Variants in PHF8 observed in about 807,000 individuals in gnomAD.
The protein encoded by PHF8 is histone lysine demethylase PHF8.
A neutral mutation model predicts 74.4 loss-of-function variants in PHF8; 9 were observed. The observed-to-expected ratio is 0.12, with a 90% CI of 0.07 to 0.21. The LOEUF (loss-of-function observed/expected upper bound fraction) is 0.21. Ranked by LOEUF, PHF8 falls within the 10% of genes least tolerant of loss-of-function variation. The probability of loss-of-function intolerance (pLI) is 1.00; values close to 1 mark genes in which losing one functional copy is unlikely to be tolerated. For synonymous variants in PHF8, 311 were observed against 316.6 expected (o/e 0.98, Z 0.19); for missense variants, 478 against 816.6 (o/e 0.59, Z 5.05).
intron 2 of PHF8, among the ~76,000 whole-genome samples, chrX:54,041,388 T>TAA (rs370388675): frequency 1.4e-4 from 6 of 43,497 alleles, no homozygotes; most frequent in East Asian, 1.2e-3. Context: ...TTGTCTCAAA[T>TAA]AAAAAAAAAA....
At chrX:54,001,712 T>C (rs2065830407) in intron 10 of PHF8, among the ~76,000 whole-genome samples, 1 of 111,256 alleles carries the variant, frequency 9.0e-6, no homozygotes, top group Non-Finnish European at 1.9e-5. Flanking sequence ...GCCAGGAGTT[T>C]GAGACCAATC....
rs1381845395 is a variant in PHF8 at position 53,997,054 on chromosome X, T to C, written c.1234-1272A>G. 3.6e-5 allele frequency among the ~76,000 whole-genome samples: 4 copies of C among 112,451 alleles called. No homozygotes were observed. The East Asian group carries it at 1.1e-3, about 31-fold the overall frequency. ...AGAGAAAATATTTGTAAAACATCTA[T>C]CTAATAAAAGAGTATCAAAAGGTAT... On this transcript the variant is annotated intron_variant, in intron 11 of 21. Coordinates refer to ENST00000338154, the MANE Select transcript of PHF8 (RefSeq NM_015107.3).
chrX:53,975,623 T>C (rs1306890818), intron 18 of PHF8, among the ~76,000 whole-genome samples: 1 of 112,155 alleles, frequency 8.9e-6, no homozygotes, highest in Non-Finnish European at 1.9e-5. Context: ...AAGCCAGGAA[T>C]ACGCAGACAA....
Position 54,044,406 on chromosome X carries a change from T to C in PHF8, c.-737A>G. 2 of 752,446 alleles carry C rather than the reference T, an allele frequency of 2.7e-6. No homozygotes were observed. Among genetic ancestry groups the C allele is most frequent in the South Asian group, 6.7e-5 (1 of 14,820 alleles). 62.0% of individuals were successfully genotyped at this position (752,446 alleles called of 1,213,427 possible). On this transcript the variant is annotated 5_prime_UTR_variant, in exon 1 of 22. The change abolishes an upstream ATG in the 5' untranslated region. Transcript: ENST00000338154. Reference sequence around the variant, plus strand: ...AGAAATACGGGATAAACAGCTACCATGTTGAGAGTGGCGGCGCTACCCAGA... The same window carrying C: ...AGAAATACGGGATAAACAGCTACCACGTTGAGAGTGGCGGCGCTACCCAGA...
intron 2 of PHF8, among the ~76,000 whole-genome samples, chrX:54,030,804 A>C (rs1569529589): frequency 8.9e-6 from 1 of 112,151 alleles, no homozygotes; most frequent in Non-Finnish European, 1.9e-5. Flanking sequence ...CTGGGTTTGA[A>C]TCTCACCTCT....
Position 53,999,856 on chromosome X carries a change from A to C in PHF8, c.1233+14T>G. On this transcript the variant is annotated intron_variant, in intron 11 of 21. Transcript: ENST00000338154. ...GCAAAACTCCAGAGGAGGTAGAGAA[A>C]TATGCATATTTACTTCTTTCCTTGT... 1 of 1,072,237 alleles carries C rather than the reference A, an allele frequency of 9.3e-7. No individual in the cohort carries two copies. Among genetic ancestry groups the C allele is most frequent in the Non-Finnish European group, 1.3e-6 (1 of 769,388 alleles). 88.4% of individuals were successfully genotyped at this position (1,072,237 alleles called of 1,213,427 possible). A position where few individuals can be genotyped will look rare whatever the true frequency, so the allele number is the denominator to read the frequency against.
chrX:53,949,747 G>A (rs1331698735), intron 19 of PHF8, among the ~76,000 whole-genome samples: 2 of 99,136 alleles, frequency 2.0e-5, no homozygotes, highest in African/African-American at 7.9e-5. Context: ...GGAAGGCGGA[G>A]CTTGCAGTGA....
chrX:54,036,671 G>T (rs1046532912), intron 2 of PHF8, among the ~76,000 whole-genome samples: 1 of 103,566 alleles, frequency 9.7e-6, no homozygotes, highest in Non-Finnish European at 1.9e-5. Context: ...TATTGGTGCT[G>T]AGAAGAAACT....
chrX:54,044,774 TCTC>T, upstream of PHF8: 1 of 658,767 alleles, frequency 1.5e-6, no homozygotes. Context: ...TCCCCAGCCT[TCTC>T]CTCCTATGAG....
At chrX:53,953,563 G>A (rs1189796156) in intron 19 of PHF8, among the ~76,000 whole-genome samples, 3 of 103,818 alleles carry the variant, frequency 2.9e-5, no homozygotes, top group Admixed American at 1.0e-4. Flanking sequence ...AGAATTGCTT[G>A]AACCCAGGAG....
chrX:53,958,801 A>AC (rs2065057328), intron 19 of PHF8, among the ~76,000 whole-genome samples: 1 of 105,214 alleles, frequency 9.5e-6, no homozygotes, highest in South Asian at 4.2e-4. Flanking sequence ...AAAAAAAAAA[A>AC]GCTGATAACA....
intron 19 of PHF8, among the ~76,000 whole-genome samples, chrX:53,954,588 T>G (rs1279053427): frequency 1.9e-5 from 2 of 104,468 alleles, no homozygotes; most frequent in Non-Finnish European, 3.9e-5. Flanking sequence ...TTAAAATGCC[T>G]TGAAAAAAAG....
At chrX:54,011,863 A>C (rs1349425615) in intron 7 of PHF8, among the ~76,000 whole-genome samples, 3 of 86,092 alleles carry the variant, frequency 3.5e-5, no homozygotes, top group Non-Finnish European at 6.4e-5. Flanking sequence ...ATAATTTGGC[A>C]AAAAAAAAAA....
At chrX:53,953,658 GC>G (rs199850531) in intron 19 of PHF8, among the ~76,000 whole-genome samples, 6,779 of 94,232 alleles carry the variant, frequency 0.072, 512 homozygotes, top group African/African-American at 0.2. Flanking sequence ...AAAAAAAAAA[GC>G]GGGGGGGGTC....
In PHF8 at chrX:53,948,695, T is replaced by TGA. The variant is rs1446572598; in HGVS notation, c.2540-4453_2540-4452insTC. Among the ~76,000 whole-genome samples, 67 of 111,767 alleles carry TGA rather than the reference T, an allele frequency of 6.0e-4. 5 individuals carry two copies. Among genetic ancestry groups the TGA allele is most frequent in the Non-Finnish European group, 9.4e-5 (5 of 53,184 alleles). ...AGAATCTGAGTATTAAGACTATGGGTATTCAGGTGCTATCCCTTCTACTTT... is the reference window on the plus strand; with the variant it reads ...AGAATCTGAGTATTAAGACTATGGGTGAATTCAGGTGCTATCCCTTCTACTTT... On this transcript the variant is annotated intron_variant, in intron 19 of 21. Coordinates refer to ENST00000338154, the MANE Select transcript of PHF8 (RefSeq NM_015107.3).
chrX:54,003,416 G>A (rs2065853534), intron 8 of PHF8, among the ~76,000 whole-genome samples: 1 of 111,645 alleles, frequency 9.0e-6, no homozygotes, highest in Non-Finnish European at 1.9e-5. Context: ...CAGCATTTTG[G>A]GAGGCCGAGG....
intron 19 of PHF8, among the ~76,000 whole-genome samples, chrX:53,951,218 TTAC>T (rs2064918513): frequency 8.9e-6 from 1 of 112,321 alleles, no homozygotes; most frequent in East Asian, 2.8e-4. Context: ...GAAGGAAGAA[TTAC>T]TGACTTTGAA....
At chrX:53,975,626 GCAGA>G (rs1350447768) in intron 18 of PHF8, among the ~76,000 whole-genome samples, 1 of 112,099 alleles carries the variant, frequency 8.9e-6, no homozygotes. Flanking sequence ...CCAGGAATAC[GCAGA>G]CAAATATCGC....
chrX:53,996,931 C>A (rs782045592), intron 11 of PHF8, among the ~76,000 whole-genome samples: 8 of 112,001 alleles, frequency 7.1e-5, no homozygotes, highest in Admixed American at 2.8e-4. Context: ...TAAGCATGGA[C>A]CAGAAAAGAA....
Sources: gnomAD v4.1 joint callset for allele counts (sites outside exome capture counted in the v4.1 genomes callset) on GRCh38, gnomAD v4.1.1 for gene constraint, MANE v1.5 for transcripts, NCBI Gene and HGNC (gene_info 2026-07-23, HGNC 2026-07-21) for gene names.